IFTAP: variants seen among roughly 807,000 people sequenced by gnomAD.
IFTAP encodes the protein intraflagellar transport associated protein.
A neutral mutation model predicts 19.4 loss-of-function variants in IFTAP; 19 were observed. The ratio of observed to expected loss-of-function variants is 0.98; its 90% CI spans 0.68 to 1.44. The LOEUF is 1.44. Among genes scored for constraint, IFTAP ranks in the 40% most tolerant of loss-of-function variants. The pLI is 0.00. For synonymous variants in IFTAP, 85 were observed against 83.5 expected (o/e 1.02, Z -0.10); for missense variants, 240 against 253.6 (o/e 0.95, Z 0.36).
chr11:36,633,360 T>C lies in IFTAP; in HGVS notation c.213T>C (p.His71=), dbSNP rs780710713. The C allele has an allele frequency of 1.9e-6, 3 of 1,604,104 alleles. No homozygotes were observed. The highest frequency in any genetic ancestry group is 2.7e-5 in the African/African-American group (2 of 74,590). Residue 71 remains histidine, a synonymous_variant, in exon 3 of 6, where the codon CAT becomes CAC. Coordinates refer to ENST00000334307, the MANE Select transcript of IFTAP (RefSeq NM_138787.4). ...TTTTTACCTCAGCAAAAGTTACTCA[T>C]AAAAATGAAGCAGATGACTACCATC... The part of the protein sequence containing the change: ...ENIFTSAKVT[H]KNEADDYHLR...
chr11:36,648,469 G>A (rs112524690), intron 5 of IFTAP: 67 of 220,214 alleles, frequency 3.0e-4, no homozygotes, highest in African/African-American at 1.2e-3. Context: ...TGAACTGGCC[G>A]TTTTTATTAT....
intron 2 of IFTAP, among the ~76,000 whole-genome samples, chr11:36,613,217 C>A (rs1483078947): frequency 6.6e-6 from 1 of 151,870 alleles, no homozygotes; most frequent in Non-Finnish European, 1.5e-5. Context: ...CAAAGATAAG[C>A]AGCTAAGTTT....
intron 4 of IFTAP, among the ~76,000 whole-genome samples, chr11:36,638,888 T>G (rs960634163): frequency 6.6e-6 from 1 of 152,216 alleles, no homozygotes; most frequent in African/African-American, 2.4e-5. Flanking sequence ...GTTTTATCAC[T>G]TGGCAGCCCA....
chr11:36,633,169 TAG>T, intron 2 of IFTAP, 113 bp from the exon 3 acceptor site: 1 of 1,013,686 alleles, frequency 9.9e-7, no homozygotes, highest in Non-Finnish European at 1.4e-6. Context: ...GTTCGGTTTG[TAG>T]AGTTCTTTGA....
At chr11:36,596,499 C>T (rs1851263420) in intron 1 of IFTAP, among the ~76,000 whole-genome samples, 1 of 152,180 alleles carries the variant, frequency 6.6e-6, no homozygotes, top group Non-Finnish European at 1.5e-5. Flanking sequence ...ATATCATGGC[C>T]TACCCAAGCC....
At chr11:36,653,809 G>C (rs933991527) in intron 5 of IFTAP, among the ~76,000 whole-genome samples, 1 of 152,032 alleles carries the variant, frequency 6.6e-6, no homozygotes, top group African/African-American at 2.4e-5. Context: ...AACTAGTGCC[G>C]AGCTCAGTGC....
At chr11:36,645,474 A>G (rs966598343) in intron 4 of IFTAP, among the ~76,000 whole-genome samples, 12 of 152,120 alleles carry the variant, frequency 7.9e-5, no homozygotes, top group Non-Finnish European at 1.6e-4. Context: ...AACAACACCT[A>G]TATGATCAGA....
chr11:36,625,341 T>A (rs985307474), intron 2 of IFTAP, among the ~76,000 whole-genome samples: 1 of 152,170 alleles, frequency 6.6e-6, no homozygotes, highest in Non-Finnish European at 1.5e-5. Context: ...ATTCAGCAAA[T>A]TTATTATAAT....
chr11:36,650,811 T>G (rs1853690147), intron 5 of IFTAP, among the ~76,000 whole-genome samples: 8 of 152,004 alleles, frequency 5.3e-5, no homozygotes, highest in Admixed American at 4.6e-4. Flanking sequence ...CGGTGTTTGG[T>G]TTTTTGTCCT....
intron 5 of IFTAP, among the ~76,000 whole-genome samples, chr11:36,655,666 T>C (rs1026118530): frequency 6.6e-6 from 1 of 152,204 alleles, no homozygotes; most frequent in African/African-American, 2.4e-5. Flanking sequence ...CTGAATGTCA[T>C]GTTTTGGCAT....
At chr11:36,608,358 T>C (rs1297914662) in intron 1 of IFTAP, among the ~76,000 whole-genome samples, 1 of 152,196 alleles carries the variant, frequency 6.6e-6, no homozygotes, top group African/African-American at 2.4e-5. Flanking sequence ...GAGAAAAAGT[T>C]AACAGATGTT....
chr11:36,615,051 AG>A (rs1479818692), intron 2 of IFTAP, among the ~76,000 whole-genome samples: 1 of 131,682 alleles, frequency 7.6e-6, no homozygotes, highest in African/African-American at 3.1e-5. Context: ...TTATGGTTTT[AG>A]GTCTAACGTT....
intron 5 of IFTAP, among the ~76,000 whole-genome samples, chr11:36,653,292 G>A (rs1043213651): frequency 6.6e-5 from 10 of 152,004 alleles, no homozygotes; most frequent in African/African-American, 2.2e-4. Context: ...GGGACTCAAA[G>A]TTTTCCAATA....
At chr11:36,648,319 A>G (rs535131194) in intron 5 of IFTAP, 164 bp downstream of exon 5, 1 of 826,610 alleles carries the variant, frequency 1.2e-6, no homozygotes, top group Non-Finnish European at 1.8e-6. Context: ...AAATGCATAC[A>G]TTTCTTTTTA....
chr11:36,614,799 A>C (rs1214407362), intron 2 of IFTAP, among the ~76,000 whole-genome samples: 1 of 149,112 alleles, frequency 6.7e-6, no homozygotes, highest in African/African-American at 2.5e-5. Context: ...GTTTGAGTTC[A>C]TTGTAGATTC....
chr11:36,635,434 G>A (rs1323561221), intron 3 of IFTAP, among the ~76,000 whole-genome samples: 1 of 152,168 alleles, frequency 6.6e-6, no homozygotes, highest in East Asian at 1.9e-4. Context: ...TCATTGAAAT[G>A]CTGCTATTGT....
Position 36,644,386 on chromosome 11 carries a change from T to C in IFTAP, c.359-3630T>C, listed in dbSNP as rs1853373335. Among the ~76,000 whole-genome samples, 4 of 152,104 alleles carry C rather than the reference T, an allele frequency of 2.6e-5. No homozygotes were observed. In the South Asian group the frequency reaches 8.3e-4, roughly 32 times the overall value. The stretch of plus-strand genomic sequence containing the variant: ...GAGGATGTGGAGAAATAGGAACACT[T>C]TTACACTGTTGGTGGGACTGTAAAC... On this transcript the variant is annotated intron_variant, in intron 4 of 5. Coordinates refer to ENST00000334307, the MANE Select transcript of IFTAP (RefSeq NM_138787.4).
intron 2 of IFTAP, among the ~76,000 whole-genome samples, chr11:36,623,244 A>C (rs1345346290): frequency 6.6e-6 from 1 of 152,016 alleles, no homozygotes; most frequent in Admixed American, 6.6e-5. Context: ...TCTAAATGAA[A>C]TCTGGGAGGA....
rs1853573512 is a variant in IFTAP at position 36,648,262 on chromosome 11, A to G, written c.498+107A>G. 5.0e-6 allele frequency: 7 copies of G among 1,401,304 alleles called. No individual in the cohort carries two copies. In the East Asian group the frequency reaches 1.4e-4, roughly 28 times the overall value. The allele number at this position is 1,401,304 out of a possible 1,614,324, so 86.8% of individuals were successfully genotyped here. ...GTATTTTTCTAACATTTGGGAAAATATAAAATTCAAGTTGCTTAATTGGTC... is the reference window on the plus strand; with the variant it reads ...GTATTTTTCTAACATTTGGGAAAATGTAAAATTCAAGTTGCTTAATTGGTC... On this transcript the variant is annotated intron_variant, in intron 5 of 5. Coordinates refer to ENST00000334307, the MANE Select transcript of IFTAP (RefSeq NM_138787.4).
Sources: allele counts gnomAD v4.1 joint callset (sites outside exome capture counted in the v4.1 genomes callset), GRCh38; gene constraint gnomAD v4.1.1; transcripts MANE v1.5; gene names NCBI Gene and HGNC (gene_info 2026-07-23, HGNC 2026-07-21).